Variants in ZNF277 observed in about 807,000 individuals in gnomAD.
ZNF277 encodes the protein nuclear receptor-interacting factor 4.
Under a neutral mutation model 60.7 loss-of-function variants are expected in ZNF277, and 55 were observed. The observed-to-expected ratio is 0.91, with a 90% CI of 0.73 to 1.13. The LOEUF is 1.13. Ranked by LOEUF, ZNF277 falls within the 50% of genes most tolerant of loss-of-function variation. The pLI is 0.00. For missense variants in ZNF277, 510 were observed against 523.0 expected, an observed-to-expected ratio of 0.98 and a Z score of 0.24; for synonymous variants, 178 against 179.3, an observed-to-expected ratio of 0.99 and a Z score of 0.06.
intron 5 of ZNF277, among the ~76,000 whole-genome samples, chr7:112,319,801 G>T (rs1256637514): frequency 6.6e-6 from 1 of 151,316 alleles, no homozygotes; most frequent in East Asian, 1.9e-4. Flanking sequence ...GAGAAAAATC[G>T]GTGCCAAGGC....
intron 7 of ZNF277, among the ~76,000 whole-genome samples, chr7:112,332,222 C>CT (rs912657365): frequency 3.2e-4 from 49 of 152,060 alleles, no homozygotes; most frequent in African/African-American, 4.1e-4. Context: ...TGATAGAAGT[C>CT]TTTTTTTTAG....
chr7:112,296,999 C>T lies in ZNF277; in HGVS notation c.465+688C>T, dbSNP rs1158089098. On this transcript the variant is annotated intron_variant, in intron 4 of 11. Coordinates refer to ENST00000361822, the MANE Select transcript of ZNF277 (RefSeq NM_021994.3). ...CTGGAGTGCAGTGGTGTGATCTCAG[C>T]TCACTGCAAGCTCCACCTCCTGGGC... Among the ~76,000 whole-genome samples the T allele has an allele frequency of 1.3e-4, 17 of 127,644 alleles. No homozygotes were observed. In the East Asian group the frequency reaches 4.5e-3, roughly 34 times the overall value. The allele number at this position is 127,644 out of a possible 152,430, so 83.7% of individuals were successfully genotyped here. A position where few individuals can be genotyped will look rare whatever the true frequency, so the allele number is the denominator to read the frequency against.
intron 4 of ZNF277, 131 bp from the exon 5 acceptor site, chr7:112,318,051 T>A: frequency 1.5e-6 from 1 of 664,742 alleles, no homozygotes; most frequent in South Asian, 2.0e-5. Flanking sequence ...AATGGAGAAA[T>A]TTGAAATGTT....
intron 1 of ZNF277, among the ~76,000 whole-genome samples, chr7:112,216,104 A>T (rs532617301): frequency 1.3e-4 from 20 of 152,340 alleles, no homozygotes; most frequent in African/African-American, 4.8e-4. Context: ...CTGCGGGCTT[A>T]TTTGAATTTC....
intron 2 of ZNF277, among the ~76,000 whole-genome samples, chr7:112,293,622 T>C (rs1019693492): frequency 1.3e-5 from 2 of 151,962 alleles, no homozygotes; most frequent in African/African-American, 2.4e-5. Context: ...AAGAGCAGTC[T>C]GTTCACGAGG....
At chr7:112,244,368 T>C (rs781631328) in intron 1 of ZNF277, among the ~76,000 whole-genome samples, 4 of 152,188 alleles carry the variant, frequency 2.6e-5, no homozygotes, top group Non-Finnish European at 4.4e-5. Flanking sequence ...AATGGAAATA[T>C]ATTTCTAAAT....
intron 2 of ZNF277, chr7:112,288,784 C>A (rs1792130530): frequency 6.6e-6 from 1 of 151,456 alleles, no homozygotes; most frequent in African/African-American, 2.4e-5. Flanking sequence ...ACCATCTCCA[C>A]TAGAAGAGGA....
intron 1 of ZNF277, among the ~76,000 whole-genome samples, chr7:112,243,036 T>A (rs949107074): frequency 8.5e-5 from 13 of 152,080 alleles, no homozygotes; most frequent in African/African-American, 3.1e-4. Context: ...TACATTCAAT[T>A]GATCTTTGAC....
chr7:112,263,494 A>G (rs1396984271), intron 1 of ZNF277, among the ~76,000 whole-genome samples: 2 of 152,194 alleles, frequency 1.3e-5, no homozygotes, highest in East Asian at 1.9e-4. Flanking sequence ...ATGATGCCTA[A>G]TAGAAACAGG....
intron 5 of ZNF277, among the ~76,000 whole-genome samples, chr7:112,320,805 C>G (rs1792961661): frequency 6.6e-6 from 1 of 151,164 alleles, no homozygotes. Context: ...TACCATTTTG[C>G]TATTTATTTT....
At chr7:112,255,387 T>A (rs1362095088) in intron 1 of ZNF277, among the ~76,000 whole-genome samples, 1 of 152,228 alleles carries the variant, frequency 6.6e-6, no homozygotes, top group Admixed American at 6.5e-5. Context: ...TTTAAGTCTC[T>A]GAGACAGTAT....
chr7:112,299,148 C>G (rs924189707), intron 4 of ZNF277, among the ~76,000 whole-genome samples: 1 of 152,142 alleles, frequency 6.6e-6, no homozygotes, highest in Non-Finnish European at 1.5e-5. Context: ...TCAGCCAGTT[C>G]ATCACAATTT....
chr7:112,264,132 A>G (rs975615782), intron 1 of ZNF277, among the ~76,000 whole-genome samples: 2 of 152,154 alleles, frequency 1.3e-5, no homozygotes, highest in African/African-American at 4.8e-5. Flanking sequence ...TTTCTAAGCA[A>G]AAGTGTAGGC....
At position 112,252,190 on chromosome 7, in the gene ZNF277, A is replaced by G. The variant is rs182788515; in HGVS notation, c.92-34683A>G. ...TTTCTTACTACATTATTTAAGAAGT[A>G]TACAGTTAATGAAAGTTCCATTGAT... is the stretch of plus-strand genomic sequence containing the variant. On this transcript the variant is annotated intron_variant, in intron 1 of 11. Transcript: ENST00000361822. Among the ~76,000 whole-genome samples the G allele has an allele frequency of 5.3e-5, 8 of 152,338 alleles. No individual in the cohort carries two copies. In the East Asian group the frequency reaches 1.5e-3, roughly 29 times the overall value.
At chr7:112,279,569 T>G (rs1385639923) in intron 1 of ZNF277, among the ~76,000 whole-genome samples, 4 of 152,178 alleles carry the variant, frequency 2.6e-5, no homozygotes, top group African/African-American at 7.2e-5. Context: ...CTGAGTTGTA[T>G]GAGTTTTTAA....
intron 2 of ZNF277, among the ~76,000 whole-genome samples, chr7:112,295,004 T>G (rs1315276211): frequency 3.3e-5 from 5 of 152,182 alleles, no homozygotes; most frequent in Non-Finnish European, 5.9e-5. Context: ...TCCCATTTCT[T>G]TTTTTGGTTC....
chr7:112,210,452 GTTTTTGTTTTTTGT>G (rs1364911293), intron 1 of ZNF277, among the ~76,000 whole-genome samples: 4 of 139,446 alleles, frequency 2.9e-5, no homozygotes, highest in East Asian at 2.2e-4. Flanking sequence ...TGCTTTTTTT[GTTTTTGTTTTTTGT>G]TTTTTTTTTT....
intron 4 of ZNF277, among the ~76,000 whole-genome samples, chr7:112,306,675 C>T (rs930895435): frequency 6.6e-6 from 1 of 152,042 alleles, no homozygotes; most frequent in Admixed American, 6.6e-5. Context: ...ACCTTCTTTT[C>T]CAGCCACCTT....
intron 1 of ZNF277, among the ~76,000 whole-genome samples, chr7:112,231,028 C>T (rs1272866523): frequency 1.3e-5 from 2 of 152,060 alleles, no homozygotes; most frequent in East Asian, 3.9e-4. Flanking sequence ...GCCTGGTCAA[C>T]ATAGTGAAAC....
Sources: allele counts gnomAD v4.1 joint callset (sites outside exome capture counted in the v4.1 genomes callset), GRCh38; gene constraint gnomAD v4.1.1; transcripts MANE v1.5; gene names NCBI Gene and HGNC (gene_info 2026-07-23, HGNC 2026-07-21).